EXPH5: variants seen among roughly 807,000 people sequenced by gnomAD.
EXPH5 encodes the protein exophilin 5.
Under a neutral mutation model 41.1 loss-of-function variants are expected in EXPH5, and 42 were observed. The ratio of observed to expected loss-of-function variants is 1.02; its 90% CI spans 0.80 to 1.32. EXPH5 has a LOEUF of 1.32. EXPH5 is among the 40% of genes most tolerant of loss of function. EXPH5 has a pLI of 0.00. For synonymous variants in EXPH5, 798 were observed against 833.5 expected (o/e 0.96, Z 0.73); for missense variants, 2,298 against 2,314.5 (o/e 0.99, Z 0.15).
At chr11:108,536,388 C>G (rs536283218) in intron 3 of EXPH5, among the ~76,000 whole-genome samples, 219 of 152,156 alleles carry the variant, frequency 1.4e-3, no homozygotes, top group African/African-American at 5.1e-3. Context: ...ACCTCACCCT[C>G]CCAAGTTGCT....
At chr11:108,545,305 G>A (rs1326025705) in intron 1 of EXPH5, among the ~76,000 whole-genome samples, 1 of 152,066 alleles carries the variant, frequency 6.6e-6, no homozygotes, top group Non-Finnish European at 1.5e-5. Context: ...TCCTAGCTAC[G>A]TGGGATGCTG....
intron 1 of EXPH5, among the ~76,000 whole-genome samples, chr11:108,580,662 C>A (rs780750201): frequency 1.3e-4 from 19 of 151,638 alleles, no homozygotes; most frequent in Non-Finnish European, 2.5e-4. Flanking sequence ...ACCTAGGTAT[C>A]CAACAGATGA....
intron 1 of EXPH5, among the ~76,000 whole-genome samples, chr11:108,550,577 G>A (rs1017792192): frequency 3.3e-5 from 5 of 152,116 alleles, no homozygotes; most frequent in African/African-American, 9.7e-5. Flanking sequence ...CCAGGAGTTC[G>A]AGACCAGCCT....
At chr11:108,529,956 G>A (rs1333867390) in intron 3 of EXPH5, among the ~76,000 whole-genome samples, 1 of 152,128 alleles carries the variant, frequency 6.6e-6, no homozygotes, top group Non-Finnish European at 1.5e-5. Flanking sequence ...TAAAGAAACT[G>A]GGTCTCTAGA....
At chr11:108,593,385 G>A (rs778922470) in intron 1 of EXPH5, 33 bp downstream of exon 1, 4 of 1,586,714 alleles carry the variant, frequency 2.5e-6, no homozygotes, top group Non-Finnish European at 3.5e-6. Context: ...CGGGACCCAG[G>A]CCCAGGACAA....
At chr11:108,588,152 T>G (rs7925126) in intron 1 of EXPH5, among the ~76,000 whole-genome samples, 1 of 152,246 alleles carries the variant, frequency 6.6e-6, no homozygotes, top group East Asian at 1.9e-4. Context: ...TTTAACAGTA[T>G]AAAGTCTTCC....
intron 1 of EXPH5, among the ~76,000 whole-genome samples, chr11:108,550,283 A>T (rs1461228466): frequency 6.6e-6 from 1 of 152,164 alleles, no homozygotes; most frequent in African/African-American, 2.4e-5. Context: ...GGATGAGACC[A>T]TACACAGAAA....
Position 108,511,122 on chromosome 11 carries a change from C to T in EXPH5, c.4385G>A (p.Cys1462Tyr), listed in dbSNP as rs557351623. ...TGTGGATGTGTGATCTTTCTGGGGACACTTGCCACTTCCAGTAAATGGAAT... is the reference window on the plus strand; with the variant it reads ...TGTGGATGTGTGATCTTTCTGGGGATACTTGCCACTTCCAGTAAATGGAAT... ...RAIPFTGSGK[C>Y]PQKDHTSTAV... The change falls in exon 6 of 6, where the codon TGT becomes TAT. Residue 1462 changes from cysteine to tyrosine, a missense_variant. Cys to Tyr is a radical substitution (Grantham distance 194). Transcript: ENST00000265843. The T allele has an allele frequency of 1.9e-6, 3 of 1,613,814 alleles. No homozygotes were observed. The East Asian group carries it at 6.7e-5, about 36-fold the overall frequency.
At chr11:108,567,499 C>A (rs2094039579) in intron 1 of EXPH5, among the ~76,000 whole-genome samples, 1 of 152,138 alleles carries the variant, frequency 6.6e-6, no homozygotes, top group African/African-American at 2.4e-5. Context: ...GCTGTCCATG[C>A]CACCCCTTAA....
chr11:108,591,741 A>G (rs1341966644), intron 1 of EXPH5, among the ~76,000 whole-genome samples: 1 of 98,926 alleles, frequency 1.0e-5, no homozygotes, highest in Non-Finnish European at 2.3e-5. Context: ...GTGTAGATCT[A>G]TGTGGAGATC....
At chr11:108,518,427 T>C in intron 4 of EXPH5, 54 bp from the exon 5 acceptor site, 1 of 1,552,312 alleles carries the variant, frequency 6.4e-7, no homozygotes, top group Admixed American at 1.7e-5. Context: ...CCAGTCAAAA[T>C]ACTCACACGC....
At position 108,514,473 on chromosome 11, in the gene EXPH5, G is replaced by T. The variant is rs1484269684; in HGVS notation, c.1034C>A (p.Pro345Gln). Residue 345 changes from proline to glutamine, a missense_variant, in exon 6 of 6, where the codon CCA (proline) becomes CAA (glutamine). By Grantham distance (76) the Pro-to-Gln change is moderately conservative (BLOSUM62 -1). Transcript: ENST00000265843. ...CCCACTCTTGCTCTGAGTTGTGGCT[G>T]GAAAATGTAAGCTTCTTGCTGTGAA... is the stretch of plus-strand genomic sequence containing the variant. ...GHFTARSLHF[P>Q]ATTQSKSGFI... 1.2e-6 allele frequency: 2 copies of T among 1,613,030 alleles called. No homozygotes were observed. Among genetic ancestry groups the T allele is most frequent in the Non-Finnish European group, 1.7e-6 (2 of 1,179,616 alleles).
At chr11:108,597,302 A>G (rs529579585), upstream of EXPH5, among the ~76,000 whole-genome samples, 1 of 152,274 alleles carries the variant, frequency 6.6e-6, no homozygotes, top group East Asian at 1.9e-4. Context: ...GGTTCAAATG[A>G]TTCTCCTTCC....
At chr11:108,604,962 G>T in the EXPH5 span, among the ~76,000 whole-genome samples, 1 of 152,206 alleles carries the variant, frequency 6.6e-6, no homozygotes, top group East Asian at 1.9e-4. Flanking sequence ...TGGTTGGGTG[G>T]AGATGAATTG....
chr11:108,579,867 T>TG (rs2094092497), intron 1 of EXPH5, among the ~76,000 whole-genome samples: 1 of 152,106 alleles, frequency 6.6e-6, no homozygotes, highest in African/African-American at 2.4e-5. Flanking sequence ...AAGGGTTTTC[T>TG]GGCAGCAACA....
chr11:108,528,955 G>A (rs972198749), intron 3 of EXPH5, among the ~76,000 whole-genome samples: 5 of 151,486 alleles, frequency 3.3e-5, no homozygotes, highest in Admixed American at 1.3e-4. Context: ...TGCCTGCCTC[G>A]GCCTCCTAAA....
chr11:108,551,959 A>T (rs1042125237), intron 1 of EXPH5: 1 of 152,164 alleles, frequency 6.6e-6, no homozygotes, highest in African/African-American at 2.4e-5. Context: ...TCATAATGGA[A>T]GACGGATCAG....
chr11:108,514,747 T>C lies in EXPH5; in HGVS notation c.760A>G (p.Asn254Asp). 1 of 1,612,084 alleles carries C rather than the reference T, an allele frequency of 6.2e-7. No individual in the cohort carries two copies. Among genetic ancestry groups the C allele is most frequent in the Non-Finnish European group, 8.5e-7 (1 of 1,179,368 alleles). The change falls in exon 6 of 6, where the codon AAT becomes GAT. Residue 254 changes from asparagine to aspartate, a missense_variant. Coordinates refer to ENST00000265843, the MANE Select transcript of EXPH5 (RefSeq NM_015065.3). ...HFYSSGNRHG[N>D]ITERHKKHYN... Reference sequence around the variant, plus strand: ...TGTTTTTTGTGCCTTTCTGTGATATTACCATGTCTGTTACCACTGGAATAA... The same window carrying C: ...TGTTTTTTGTGCCTTTCTGTGATATCACCATGTCTGTTACCACTGGAATAA...
At position 108,570,233 on chromosome 11, in the gene EXPH5, A is replaced by G. The variant is rs867816411; in HGVS notation, c.119+23185T>C. Reference sequence around the variant, plus strand: ...GAACAGAATAGCATTTTTAATTTTTATTATTTTAAAAAATAAAAAAAATTA... The same window carrying G: ...GAACAGAATAGCATTTTTAATTTTTGTTATTTTAAAAAATAAAAAAAATTA... On this transcript the variant is annotated intron_variant, in intron 1 of 5. Transcript: ENST00000265843. Among the ~76,000 whole-genome samples, 4 of 151,774 alleles carry G rather than the reference A, an allele frequency of 2.6e-5. No homozygotes were observed. The Middle Eastern group carries it at 0.014, about 516-fold the overall frequency.
Sources: allele counts gnomAD v4.1 joint callset (sites outside exome capture counted in the v4.1 genomes callset), GRCh38; gene constraint gnomAD v4.1.1; transcripts MANE v1.5; gene names NCBI Gene and HGNC (gene_info 2026-07-23, HGNC 2026-07-21).